Variants in ESS2 observed in about 807,000 individuals in gnomAD.
The protein encoded by ESS2 is splicing factor ESS-2 homolog.
ESS2 carries 31 observed loss-of-function variants against 52.0 expected under a neutral mutation model. That is an observed-to-expected ratio of 0.60 (90% confidence interval 0.45 to 0.81). ESS2 has a LOEUF of 0.81. Among genes scored for constraint, ESS2 ranks in the 30% least tolerant of loss-of-function variants. The pLI is 0.00. For missense variants in ESS2, 602 were observed against 637.2 expected (o/e 0.94, Z 0.59); for synonymous variants, 285 against 259.2 (o/e 1.10, Z -0.95).
At chr22:19,141,616 G>C (rs774099621) in intron 3 of ESS2, among the ~76,000 whole-genome samples, 1 of 152,220 alleles carries the variant, frequency 6.6e-6, no homozygotes, top group African/African-American at 2.4e-5. Context: ...GCATACAGAT[G>C]AAAGCAAAAC....
At chr22:19,137,696 G>A (rs1030230241) in intron 7 of ESS2, 18 of 976,526 alleles carry the variant, frequency 1.8e-5, no homozygotes, top group African/African-American at 5.3e-5. Context: ...CCCCAGCCAC[G>A]CAGGAGGAGA....
intron 6 of ESS2, 169 bp from the exon 7 acceptor site, chr22:19,138,486 C>G (rs1246884094): frequency 1.3e-6 from 1 of 742,864 alleles, no homozygotes; most frequent in Admixed American, 2.0e-5. Flanking sequence ...GCCCCTGCCC[C>G]AACCCCCCAA....
intron 7 of ESS2, chr22:19,137,958 G>A (rs903313160): frequency 1.0e-6 from 1 of 985,414 alleles, no homozygotes; most frequent in Non-Finnish European, 1.2e-6. Context: ...TGACATCACA[G>A]TAAGGACCAG....
rs1360052832 is a variant in ESS2, at chr22:19,132,767, G to A, written c.*1429C>T. 1 of 408,720 alleles carries A rather than the reference G, an allele frequency of 2.4e-6. No homozygotes were observed. Among genetic ancestry groups the A allele is most frequent in the Non-Finnish European group, 4.5e-6 (1 of 222,958 alleles). 25.3% of individuals were successfully genotyped at this position (408,720 alleles called of 1,614,324 possible). A position where few individuals can be genotyped will look rare whatever the true frequency, so the allele number is the denominator to read the frequency against. On this transcript the variant is annotated 3_prime_UTR_variant, in exon 10 of 10. Coordinates refer to ENST00000252137, the MANE Select transcript of ESS2 (RefSeq NM_022719.3). The surrounding 1 kb of genome is among the most constrained non-coding windows in gnomAD (Gnocchi z 4.2). The stretch of plus-strand genomic sequence containing the variant: ...AGCCAACCGCCCCACCTGACACACA[G>A]TGGTCTCCGGCCTAGGAGCACAGGA...
chr22:19,134,480 G>A lies in ESS2; in HGVS notation c.1152-5C>T, dbSNP rs761212927. The A allele has an allele frequency of 8.5e-6, 13 of 1,537,474 alleles. No homozygotes were observed. Among genetic ancestry groups the A allele is most frequent in the Admixed American group, 5.9e-5 (3 of 50,510 alleles). ...CTCAGGCCTTTGGGGGTGAGGCTGGGGTGGAGGAATGGGTGAGAGAGGCAG... is the reference window on the plus strand; with the variant it reads ...CTCAGGCCTTTGGGGGTGAGGCTGGAGTGGAGGAATGGGTGAGAGAGGCAG... On this transcript the variant is annotated splice_region_variant and splice_polypyrimidine_tract_variant and intron_variant, in intron 9 of 9. Coordinates refer to ENST00000252137, the MANE Select transcript of ESS2 (RefSeq NM_022719.3).
intron 3 of ESS2, among the ~76,000 whole-genome samples, chr22:19,141,521 C>G (rs1024717946): frequency 6.6e-6 from 1 of 152,178 alleles, no homozygotes; most frequent in Non-Finnish European, 1.5e-5. Flanking sequence ...TCCCAGCAAA[C>G]ATGCTGAAGA....
rs1361045054 is a variant in ESS2 at position 19,134,374 on chromosome 22, T to A, written c.1253A>T (p.Tyr418Phe). The A allele has an allele frequency of 6.2e-7, 1 of 1,612,138 alleles. No individual in the cohort carries two copies. Among genetic ancestry groups the A allele is most frequent in the East Asian group, 2.2e-5 (1 of 44,788 alleles). ...GGTGGAGCGTGCTGGGGATGGTGTG[T>A]AGCTGGCCCGCAGGGCCCGGTCTGT... Reference protein sequence around the residue: ...KYTDRALRASYTPSPARSTHL... With the variant: ...KYTDRALRASFTPSPARSTHL... The change falls in exon 10 of 10, where the codon TAC becomes TTC. Residue 418 changes from tyrosine (Y) to phenylalanine (F), a missense_variant. Coordinates refer to ENST00000252137, the MANE Select transcript of ESS2 (RefSeq NM_022719.3).
rs766875280 is a variant in ESS2 at position 19,134,410 on chromosome 22, G to A, written c.1217C>T (p.Ala406Val). The A allele has an allele frequency of 1.2e-6, 2 of 1,608,334 alleles. No individual in the cohort carries two copies. The highest frequency in any genetic ancestry group is 2.2e-5 in the East Asian group (1 of 44,488). ...PALQRLVSRTASKYTDRALRA... is the reference protein window; with the variant it reads ...PALQRLVSRTVSKYTDRALRA... ...CAGGGCCCGGTCTGTGTACTTGCTG[G>A]CCGTCCTGCTCACAAGGCGCTGTAG... Residue 406 changes from alanine (A) to valine (V), a missense_variant, in exon 10 of 10, where the codon GCC (alanine) becomes GTC (valine). Coordinates refer to ENST00000252137, the MANE Select transcript of ESS2 (RefSeq NM_022719.3).
rs202065494 is a variant in ESS2 at position 19,131,621 on chromosome 22, G to C, written c.*2575C>G. 22 of 1,614,112 alleles carry C rather than the reference G, an allele frequency of 1.4e-5. No individual in the cohort carries two copies. In the African/African-American group the frequency reaches 2.9e-4, roughly 22 times the overall value. ...CTGTCAACCACGGCTCCATCATCAA[G>C]ACTTACGAGATCTTTGAGACCTCTG... On this transcript the variant is annotated 3_prime_UTR_variant, in exon 10 of 10. Coordinates refer to ENST00000252137, the MANE Select transcript of ESS2 (RefSeq NM_022719.3). This position sits in a 1 kb window ranked among gnomAD's most constrained non-coding sequence, Gnocchi z 5.7.
Position 19,131,802 on chromosome 22 carries a change from C to G in ESS2, c.*2394G>C. The G allele has an allele frequency of 6.2e-7, 1 of 1,614,180 alleles. No individual in the cohort carries two copies. On this transcript the variant is annotated 3_prime_UTR_variant, in exon 10 of 10. Transcript: ENST00000252137. The surrounding 1 kb of genome is among the most constrained non-coding windows in gnomAD (Gnocchi z 5.7). ...CTGCCACGACCTGGACATCGTCCAC[C>G]GGGACCTCAAGTGCGAGAACCTTCT...
At position 19,132,511 on chromosome 22, in the gene ESS2, G is replaced by T. The variant is rs201838544; in HGVS notation, c.*1685C>A. The T allele has an allele frequency of 1.3e-6, 2 of 1,560,658 alleles. No homozygotes were observed. Among genetic ancestry groups the T allele is most frequent in the Admixed American group, 1.8e-5 (1 of 55,102 alleles). On this transcript the variant is annotated 3_prime_UTR_variant, in exon 10 of 10. Transcript: ENST00000252137. The surrounding 1 kb of genome is among the most constrained non-coding windows in gnomAD (Gnocchi z 4.2). ...GGCCCCGTTGTGTGTGGTGGGGGTC[G>T]GGGTTGGGGGGCATGGTGCAGTCGG...
intron 8 of ESS2, among the ~76,000 whole-genome samples, chr22:19,137,116 G>T (rs541140450): frequency 1.3e-5 from 2 of 152,228 alleles, no homozygotes; most frequent in East Asian, 3.9e-4. Flanking sequence ...CCCTGCCTTG[G>T]TGTCTCAGCC....
rs534768948 is a variant in ESS2 at position 19,142,902 on chromosome 22, G to C, written c.136-8C>G. ...GATGACCGTCTGGAGGCCCTGCAAGGAGAGATCAGAATGAAAGTCAGAGGC... is the reference window on the plus strand; with the variant it reads ...GATGACCGTCTGGAGGCCCTGCAAGCAGAGATCAGAATGAAAGTCAGAGGC... On this transcript the variant is annotated splice_region_variant and splice_polypyrimidine_tract_variant and intron_variant, in intron 1 of 9. Transcript: ENST00000252137. 7.5e-6 allele frequency: 12 copies of C among 1,610,418 alleles called. No homozygotes were observed. Among genetic ancestry groups the C allele is most frequent in the Non-Finnish European group, 9.3e-6 (11 of 1,178,370 alleles).
rs371715931 is a variant in ESS2 at position 19,135,024 on chromosome 22, C to T, written c.1151+36G>A. The stretch of plus-strand genomic sequence containing the variant: ...GCCGAACAGGAGCAGGCCAGAGCCA[C>T]CCTCGCACTTCCCCACCAGCCAGGC... On this transcript the variant is annotated intron_variant, in intron 9 of 9. Transcript: ENST00000252137. The T allele has an allele frequency of 1.5e-5, 24 of 1,592,750 alleles. No individual in the cohort carries two copies. The African/African-American group carries it at 2.8e-4, about 19-fold the overall frequency.
In ESS2 at chr22:19,134,380, GC is replaced by G; in HGVS notation, c.1246del (p.Ala416ProfsTer70). On this transcript the variant is annotated frameshift_variant, in exon 10 of 10. Transcript: ENST00000252137. LOFTEE classifies it high-confidence loss of function. The stretch of plus-strand genomic sequence containing the variant: ...GCGTGCTGGGGATGGTGTGTAGCTG[GC>G]CCGCAGGGCCCGGTCTGTGTACTTG... ...ASKYTDRALR[A>X]SYTPSPARST... The G allele has an allele frequency of 6.2e-7, 1 of 1,611,822 alleles. No homozygotes were observed. The highest frequency in any genetic ancestry group is 8.5e-7 in the Non-Finnish European group (1 of 1,179,206).
intron 1 of ESS2, chr22:19,144,251 C>G (rs2083745542): frequency 1.6e-6 from 2 of 1,272,640 alleles, no homozygotes; most frequent in African/African-American, 3.1e-5. Context: ...CACACTTTAA[C>G]AGAAAATCTT....
At chr22:19,141,939 G>A (rs1238246785) in intron 3 of ESS2, among the ~76,000 whole-genome samples, 1 of 152,066 alleles carries the variant, frequency 6.6e-6, no homozygotes, top group African/African-American at 2.4e-5. Flanking sequence ...GCAGTGAGCC[G>A]GGATCACACC....
chr22:19,143,570 T>C (rs778837204), intron 1 of ESS2, among the ~76,000 whole-genome samples: 45 of 152,274 alleles, frequency 3.0e-4, no homozygotes, highest in Admixed American at 4.6e-4. Flanking sequence ...TAAACCTTTC[T>C]CCTGGCGGGG....
At chr22:19,140,629 G>A (rs965625472) in intron 3 of ESS2, among the ~76,000 whole-genome samples, 11 of 152,188 alleles carry the variant, frequency 7.2e-5, no homozygotes, top group African/African-American at 1.7e-4. Flanking sequence ...ACCATGGAAA[G>A]TGGTACTCCC....
Sources: allele counts gnomAD v4.1 joint callset (sites outside exome capture counted in the v4.1 genomes callset), GRCh38; gene constraint gnomAD v4.1.1; non-coding constraint Gnocchi (gnomAD v3.1); transcripts MANE v1.5; gene names NCBI Gene and HGNC (gene_info 2026-07-23, HGNC 2026-07-21).